Variants in NALF1 observed in about 807,000 individuals in gnomAD.
NALF1 encodes the protein NALCN channel auxiliary factor 1.
Under a neutral mutation model 48.4 loss-of-function variants are expected in NALF1, and 3 were observed. The ratio of observed to expected loss-of-function variants is 0.06; its 90% CI spans 0.03 to 0.16. NALF1 has a LOEUF of 0.16. NALF1 is among the 10% of genes least tolerant of loss of function. NALF1 has a pLI of 1.00. For synonymous variants in NALF1, 262 were observed against 245.7 expected, an observed-to-expected ratio of 1.07 and a Z score of -0.62; for missense variants, 526 against 571.5, an observed-to-expected ratio of 0.92 and a Z score of 0.81.
intron 1 of NALF1, among the ~76,000 whole-genome samples, chr13:107,590,106 T>C (rs1435346722): frequency 1.3e-5 from 2 of 152,056 alleles, no homozygotes; most frequent in Non-Finnish European, 2.9e-5. Flanking sequence ...AATATCCTTA[T>C]AGTGAAAAGT....
chr13:107,767,056 C>T (rs1877435734), intron 1 of NALF1, among the ~76,000 whole-genome samples: 1 of 151,860 alleles, frequency 6.6e-6, no homozygotes, highest in Non-Finnish European at 1.5e-5. Flanking sequence ...AAAAACCTAA[C>T]AAAACAGGAA....
rs78492694 is a variant in NALF1, at chr13:107,635,383, A to T, written c.915+230299T>A. On this transcript the variant is annotated intron_variant, in intron 1 of 2. Coordinates refer to ENST00000375915, the MANE Select transcript of NALF1 (RefSeq NM_001080396.3). ...CCAAGCAAAGGGGGAAACACTCCTT[A>T]AAAAAAATCAGATCTCTTGAAAACT... is the stretch of plus-strand genomic sequence containing the variant. Among the ~76,000 whole-genome samples the T allele has an allele frequency of 6.6e-3, 1,007 of 151,648 alleles. 5 individuals are homozygous for T. The highest frequency in any genetic ancestry group is 0.01 in the Non-Finnish European group (704 of 67,786).
At chr13:107,767,490 T>G (rs1013547356) in intron 1 of NALF1, among the ~76,000 whole-genome samples, 1 of 152,228 alleles carries the variant, frequency 6.6e-6, no homozygotes, top group Non-Finnish European at 1.5e-5. Context: ...CTGTTGGCTC[T>G]CATCAGAATA....
At chr13:107,515,705 C>T (rs557702875) in intron 1 of NALF1, among the ~76,000 whole-genome samples, 1 of 152,348 alleles carries the variant, frequency 6.6e-6, no homozygotes, top group South Asian at 2.1e-4. Context: ...AGCATCTTCA[C>T]AACCCTGTAC....
At chr13:107,722,618 T>A (rs919084979) in intron 1 of NALF1, among the ~76,000 whole-genome samples, 3 of 152,126 alleles carry the variant, frequency 2.0e-5, no homozygotes, top group African/African-American at 7.2e-5. Flanking sequence ...AACGGTTGCC[T>A]ACATCTCTCC....
At chr13:107,410,565 C>T (rs942344334) in intron 1 of NALF1, among the ~76,000 whole-genome samples, 3 of 152,108 alleles carry the variant, frequency 2.0e-5, no homozygotes, top group Non-Finnish European at 4.4e-5. Flanking sequence ...CATACATGTG[C>T]ATGCACACAC....
intron 1 of NALF1, among the ~76,000 whole-genome samples, chr13:107,462,679 C>G (rs951362493): frequency 6.6e-6 from 1 of 152,166 alleles, no homozygotes; most frequent in Non-Finnish European, 1.5e-5. Context: ...AGCACTATGT[C>G]TACTCAGCTA....
intron 1 of NALF1, among the ~76,000 whole-genome samples, chr13:107,470,740 T>C (rs1404969496): frequency 6.6e-6 from 1 of 152,148 alleles, no homozygotes; most frequent in Non-Finnish European, 1.5e-5. Flanking sequence ...CATAATTCTG[T>C]TTGAACTGTT....
In NALF1 at chr13:107,165,238, C is replaced by T. The variant is rs1389497343; in HGVS notation, c.*5259G>A. 6.6e-6 allele frequency: 1 copy of T among 152,120 alleles called. No homozygotes were observed. The highest frequency in any genetic ancestry group is 1.5e-5 in the Non-Finnish European group (1 of 68,024). The allele number at this position is 152,120 out of a possible 1,614,324, so 9.4% of individuals were successfully genotyped here. A position where few individuals can be genotyped will look rare whatever the true frequency, so the allele number is the denominator to read the frequency against. On this transcript the variant is annotated 3_prime_UTR_variant, in exon 3 of 3. Transcript: ENST00000375915. ...AACAAAATGTAACATGACAAACGAA[C>T]TCTGAGACATTCGCTAGATCTTCCT...
intron 1 of NALF1, among the ~76,000 whole-genome samples, chr13:107,686,593 C>T (rs966221814): frequency 4.6e-5 from 7 of 152,008 alleles, no homozygotes; most frequent in African/African-American, 1.5e-4. Context: ...GGGGTTTCAC[C>T]GTGTTGGCCA....
chr13:107,753,877 G>A (rs1877009885), intron 1 of NALF1, among the ~76,000 whole-genome samples: 1 of 152,156 alleles, frequency 6.6e-6, no homozygotes, highest in South Asian at 2.1e-4. Context: ...CAGCAGGACT[G>A]GGAGTTTCCA....
intron 1 of NALF1, among the ~76,000 whole-genome samples, chr13:107,328,262 A>G (rs1210143047): frequency 1.5e-5 from 2 of 131,684 alleles, no homozygotes; most frequent in Non-Finnish European, 1.6e-5. Context: ...CCAACTTTTC[A>G]TCTCCTGCAA....
intron 1 of NALF1, among the ~76,000 whole-genome samples, chr13:107,721,980 T>TC (rs899937617): frequency 2.6e-5 from 4 of 151,912 alleles, no homozygotes; most frequent in Non-Finnish European, 4.4e-5. Flanking sequence ...CACTGAGGGT[T>TC]CCCCCCCTCT....
At chr13:107,789,298 C>A (rs1397978035) in intron 1 of NALF1, among the ~76,000 whole-genome samples, 1 of 152,156 alleles carries the variant, frequency 6.6e-6, no homozygotes, top group South Asian at 2.1e-4. Flanking sequence ...TTAATTACAA[C>A]AATAAGTACA....
chr13:107,177,856 C>T (rs185355542), intron 2 of NALF1, among the ~76,000 whole-genome samples: 2 of 152,274 alleles, frequency 1.3e-5, no homozygotes, highest in East Asian at 3.9e-4. Context: ...GTGAGACCAC[C>T]CTGGCCAACA....
rs769726056 is a variant in NALF1 at position 107,570,538 on chromosome 13, G to A, written c.915+295144C>T. Among the ~76,000 whole-genome samples, 7 of 149,690 alleles carry A rather than the reference G, an allele frequency of 4.7e-5. No individual in the cohort carries two copies. In the East Asian group the frequency reaches 5.8e-4, roughly 12 times the overall value. ...CTAGTATTCCTGAAATAAATCCCACGTGCTCCATATTTATTTTTTTCTTTT... is the reference window on the plus strand; with the variant it reads ...CTAGTATTCCTGAAATAAATCCCACATGCTCCATATTTATTTTTTTCTTTT... On this transcript the variant is annotated intron_variant, in intron 1 of 2. Transcript: ENST00000375915.
intron 1 of NALF1, among the ~76,000 whole-genome samples, chr13:107,358,380 G>A (rs1883000893): frequency 1.3e-5 from 2 of 152,188 alleles, no homozygotes; most frequent in Non-Finnish European, 2.9e-5. Context: ...TTGAGCTTCA[G>A]TGGGATCCAG....
chr13:107,598,733 C>T (rs1878829253), intron 1 of NALF1, among the ~76,000 whole-genome samples: 1 of 152,268 alleles, frequency 6.6e-6, no homozygotes, highest in South Asian at 2.1e-4. Flanking sequence ...ATGGTTTGCA[C>T]TCTTACTTAC....
chr13:107,640,572 T>C (rs193199856), intron 1 of NALF1, among the ~76,000 whole-genome samples: 1 of 152,286 alleles, frequency 6.6e-6, no homozygotes, highest in Admixed American at 6.5e-5. Flanking sequence ...AAACAATCTA[T>C]AGACCAAGTG....
Sources: allele counts gnomAD v4.1 joint callset (sites outside exome capture counted in the v4.1 genomes callset), GRCh38; gene constraint gnomAD v4.1.1; transcripts MANE v1.5; gene names NCBI Gene and HGNC (gene_info 2026-07-23, HGNC 2026-07-21).